DPY19L2: variants seen among roughly 807,000 people sequenced by gnomAD.
The protein encoded by DPY19L2 is dpy-19 like 2, also known as probable C-mannosyltransferase DPY19L2.
Under a neutral mutation model 97.9 loss-of-function variants are expected in DPY19L2, and 34 were observed. That is an observed-to-expected ratio of 0.35 (90% CI 0.26 to 0.46). DPY19L2 has a LOEUF of 0.46. Among genes scored for constraint, DPY19L2 ranks in the 20% least tolerant of loss-of-function variants. The pLI, the probability that DPY19L2 is intolerant of heterozygous loss-of-function variation, is 1.00. For synonymous variants in DPY19L2, 230 were observed against 307.9 expected, an observed-to-expected ratio of 0.75 and a Z score of 2.65; for missense variants, 623 against 911.4, an observed-to-expected ratio of 0.68 and a Z score of 4.07.
chr12:63,640,857 T>C (rs370752500), intron 6 of DPY19L2, among the ~76,000 whole-genome samples: 3 of 152,146 alleles, frequency 2.0e-5, no homozygotes, highest in Non-Finnish European at 4.4e-5. Context: ...ATACAAACCA[T>C]TTTCAAAAAT....
intron 4 of DPY19L2, among the ~76,000 whole-genome samples, chr12:63,651,017 C>T (rs983744648): frequency 1.3e-5 from 2 of 152,096 alleles, no homozygotes; most frequent in African/African-American, 4.8e-5. Flanking sequence ...TTCAAGGCTA[C>T]AATAACCAAA....
Position 63,588,879 on chromosome 12 carries a change from G to A in DPY19L2, c.1581-5043C>T, listed in dbSNP as rs189020401. 9.5e-3 allele frequency among the ~76,000 whole-genome samples: 1,424 copies of A among 150,678 alleles called. 7 individuals are homozygous for A. Among genetic ancestry groups the A allele is most frequent in the African/African-American group, 0.033 (1,341 of 41,108 alleles). ...CGCCATTCTCCTGCCTCAGCCTACC[G>A]AGTAGCTGGGACTACAGGCGCCCAC... On this transcript the variant is annotated intron_variant, in intron 16 of 21. Transcript: ENST00000324472.
chr12:63,586,064 AAGAG>A (rs1231236954), intron 16 of DPY19L2, among the ~76,000 whole-genome samples: 1 of 152,166 alleles, frequency 6.6e-6, no homozygotes, highest in Non-Finnish European at 1.5e-5. Flanking sequence ...AAATTCAAAA[AAGAG>A]AGGCTAAAGT....
At chr12:63,613,836 C>T (rs946595347) in intron 11 of DPY19L2, among the ~76,000 whole-genome samples, 6 of 152,066 alleles carry the variant, frequency 3.9e-5, no homozygotes, top group African/African-American at 1.4e-4. Context: ...CGTATCAAAA[C>T]TTGTATAACT....
chr12:63,661,388 G>A lies in DPY19L2; in HGVS notation c.544C>T (p.Pro182Ser), dbSNP rs1175130299. 14 of 1,594,804 alleles carry A rather than the reference G, an allele frequency of 8.8e-6. No individual in the cohort carries two copies. The highest frequency in any genetic ancestry group is 1.2e-5 in the South Asian group (1 of 86,320). The change falls in exon 4 of 22, where the codon CCT (proline) becomes TCT (serine). Residue 182 changes from proline to serine, a missense_variant. This residue lies in a region of DPY19L2 where 84 missense variants were observed against 125.4 expected (regional missense o/e 0.67). Transcript: ENST00000324472. The stretch of plus-strand genomic sequence containing the variant: ...CGTTTTATTGCATTAATTATAAGAG[G>A]ATATTCAGTAAGCCTGTCATTCATA... The part of the protein sequence containing the change: ...MIMNDRLTEY[P>S]LIINAIKRFH...
At chr12:63,572,664 C>T (rs2137299894) in intron 19 of DPY19L2, among the ~76,000 whole-genome samples, 1 of 152,206 alleles carries the variant, frequency 6.6e-6, no homozygotes, top group East Asian at 1.9e-4. Flanking sequence ...AACACATTCC[C>T]AGTAGTGGTG....
At chr12:63,570,581 G>A (rs1163462357) in intron 20 of DPY19L2, among the ~76,000 whole-genome samples, 177 bp downstream of exon 20, 3 of 151,972 alleles carry the variant, frequency 2.0e-5, no homozygotes, top group Admixed American at 6.6e-5. Context: ...CAACAGGTAC[G>A]TATTGTCATT....
chr12:63,560,616 TG>T lies in DPY19L2; in HGVS notation c.2172del (p.Asn725MetfsTer31), dbSNP rs1288432519. ...MLEIWDVEDP[S>X]NAANPPLCSV... ...CTACATAAGGGAGGGTTAGCTGCATTGGAAGGGTCTTCCACATCCCAGATTT... is the reference window on the plus strand; with the variant it reads ...CTACATAAGGGAGGGTTAGCTGCATTGAAGGGTCTTCCACATCCCAGATTT... On this transcript the variant is annotated frameshift_variant, in exon 22 of 22. Transcript: ENST00000324472. LOFTEE classifies it low-confidence loss of function (END_TRUNC). 1 of 1,613,924 alleles carries T rather than the reference TG, an allele frequency of 6.2e-7. No individual in the cohort carries two copies. The highest frequency in any genetic ancestry group is 1.3e-5 in the African/African-American group (1 of 74,914).
At chr12:63,593,798 A>AT (rs1883614283) in intron 16 of DPY19L2, among the ~76,000 whole-genome samples, 1 of 141,584 alleles carries the variant, frequency 7.1e-6, no homozygotes, top group South Asian at 2.1e-4. Flanking sequence ...AATAATAAAA[A>AT]TAAAAAAAAA....
intron 6 of DPY19L2, among the ~76,000 whole-genome samples, chr12:63,635,691 T>C (rs142577642): frequency 0.014 from 2,065 of 152,174 alleles, 45 homozygotes; most frequent in African/African-American, 0.047. Flanking sequence ...GTATCAGTGA[T>C]GGACGATCAA....
chr12:63,632,609 G>A (rs1183542587), intron 6 of DPY19L2, among the ~76,000 whole-genome samples: 1 of 152,122 alleles, frequency 6.6e-6, no homozygotes, highest in African/African-American at 2.4e-5. Context: ...TGGGTAGGAA[G>A]AATCAATATC....
chr12:63,606,003 T>A (rs1210483368), intron 12 of DPY19L2, among the ~76,000 whole-genome samples: 1 of 152,154 alleles, frequency 6.6e-6, no homozygotes, highest in Non-Finnish European at 1.5e-5. Context: ...AAATACTGTA[T>A]GTATTTTGTT....
At position 63,639,919 on chromosome 12, in the gene DPY19L2, C is replaced by A. The variant is rs554780883; in HGVS notation, c.803+4484G>T. ...ATGCACACATATGTTTATTGTGGCA[C>A]TATTCACAATAGCAAAGACTTGGAA... On this transcript the variant is annotated intron_variant, in intron 6 of 21. Coordinates refer to ENST00000324472, the MANE Select transcript of DPY19L2 (RefSeq NM_173812.5). Among the ~76,000 whole-genome samples the A allele has an allele frequency of 2.0e-3, 306 of 152,244 alleles. 1 individual carries two copies. Among genetic ancestry groups the A allele is most frequent in the Non-Finnish European group, 3.4e-3 (228 of 68,006 alleles).
At chr12:63,594,614 T>C (rs1329764347) in intron 15 of DPY19L2, among the ~76,000 whole-genome samples, 4 of 150,400 alleles carry the variant, frequency 2.7e-5, no homozygotes, top group Admixed American at 1.3e-4. Context: ...TGTGTGTGTA[T>C]GAAACTTGAC....
At chr12:63,606,102 A>C (rs1044717821) in intron 12 of DPY19L2, among the ~76,000 whole-genome samples, 7 of 152,108 alleles carry the variant, frequency 4.6e-5, no homozygotes, top group African/African-American at 1.7e-4. Context: ...CAAAGAATAG[A>C]AATCCAATTG....
intron 19 of DPY19L2, among the ~76,000 whole-genome samples, chr12:63,577,038 T>C (rs561165648): frequency 3.1e-4 from 47 of 152,078 alleles, no homozygotes; most frequent in Non-Finnish European, 5.6e-4. Flanking sequence ...CAAATTATAT[T>C]ACAGAAGTAT....
Position 63,648,011 on chromosome 12 carries a change from A to C in DPY19L2, c.589-646T>G, listed in dbSNP as rs143175610. Among the ~76,000 whole-genome samples, 682 of 152,222 alleles carry C rather than the reference A, an allele frequency of 4.5e-3. 13 individuals are homozygous for C. The highest frequency in any genetic ancestry group is 0.015 in the African/African-American group (641 of 41,552). ...TAATGGCCAATGTGATAGTATTAAG[A>C]GATGGGACCTGCAAGAGGTGATTAG... On this transcript the variant is annotated intron_variant, in intron 4 of 21. Coordinates refer to ENST00000324472, the MANE Select transcript of DPY19L2 (RefSeq NM_173812.5).
chr12:63,602,469 GAATCAAAACTA>G (rs1421807288), intron 12 of DPY19L2, among the ~76,000 whole-genome samples: 1 of 152,038 alleles, frequency 6.6e-6, no homozygotes, highest in Non-Finnish European at 1.5e-5. Flanking sequence ...CCACAGCAAT[GAATCAAAACTA>G]GTGTTTAAAT....
At chr12:63,636,433 A>G (rs1179702429) in intron 6 of DPY19L2, among the ~76,000 whole-genome samples, 5 of 152,262 alleles carry the variant, frequency 3.3e-5, no homozygotes, top group Admixed American at 6.5e-5. Context: ...AACAATATTA[A>G]CTTTAAATGT....
Sources: gnomAD v4.1 joint callset for allele counts (sites outside exome capture counted in the v4.1 genomes callset) on GRCh38, gnomAD v4.1.1 for gene constraint, gnomAD v4.1.1 regional missense constraint, MANE v1.5 for transcripts, NCBI Gene and HGNC (gene_info 2026-07-23, HGNC 2026-07-21) for gene names.